The following ADGRV1 variants were observed in gnomAD, a reference collection of about 807,000 sequenced individuals.
The protein encoded by ADGRV1 is adhesion G protein-coupled receptor V1, also known as G-protein coupled receptor 98.
ADGRV1 carries 359 observed loss-of-function variants against 596.2 expected under a neutral mutation model. The ratio of observed to expected loss-of-function variants is 0.60; its 90% CI spans 0.55 to 0.66. ADGRV1 has a LOEUF of 0.66. Ranked by LOEUF, ADGRV1 falls within the 30% of genes least tolerant of loss-of-function variation. The pLI is 0.00. For synonymous variants in ADGRV1, 2,681 were observed against 2,679.2 expected (o/e 1.00, Z -0.02); for missense variants, 7,274 against 7,575.6 (o/e 0.96, Z 1.48).
chr5:90,919,602 GGTAA>G (rs1561939797), intron 83 of ADGRV1, among the ~76,000 whole-genome samples: 1 of 152,268 alleles, frequency 6.6e-6, no homozygotes. Context: ...TTGTGATTCA[GGTAA>G]GTTTTAGTTT....
At chr5:90,713,372 T>C (rs1749654534) in intron 42 of ADGRV1, among the ~76,000 whole-genome samples, 1 of 151,222 alleles carries the variant, frequency 6.6e-6, no homozygotes, top group Admixed American at 6.6e-5. Context: ...GTGGCTGTTG[T>C]TTCAAGTTCA....
chr5:91,096,483 T>TTTG (rs1426250395), intron 86 of ADGRV1, among the ~76,000 whole-genome samples: 1 of 152,226 alleles, frequency 6.6e-6, no homozygotes, highest in Admixed American at 6.5e-5. Context: ...TGGTTTGTTG[T>TTTG]TTGTTGTTGT....
chr5:90,646,070 G>T lies in ADGRV1; in HGVS notation c.3001G>T (p.Asp1001Tyr). ...TGCAACTCTGAGGATTAGAAGAAAT[G>T]ATGACCCCATTTATTTTGCAGGTGG... ...TTATLRIRRNDDPIYFAEPRV... is the reference protein window; with the variant it reads ...TTATLRIRRNYDPIYFAEPRV... The change falls in exon 16 of 90, where the codon GAT becomes TAT. Residue 1001 changes from aspartate to tyrosine, a missense_variant. Coordinates refer to ENST00000405460, the MANE Select transcript of ADGRV1 (RefSeq NM_032119.4). 6.3e-7 allele frequency: 1 copy of T among 1,584,284 alleles called. No individual in the cohort carries two copies. Among genetic ancestry groups the T allele is most frequent in the South Asian group, 1.2e-5 (1 of 85,932 alleles).
intron 86 of ADGRV1, 72 bp from the exon 87 acceptor site, chr5:91,102,147 C>A: frequency 6.9e-7 from 1 of 1,446,244 alleles, no homozygotes; most frequent in Non-Finnish European, 9.3e-7. Flanking sequence ...AGAAAGAAGC[C>A]AAAAATAACT....
chr5:91,126,239 C>T (rs957042301), intron 87 of ADGRV1, among the ~76,000 whole-genome samples: 2 of 152,220 alleles, frequency 1.3e-5, no homozygotes, highest in East Asian at 1.9e-4. Context: ...AATGCCTCCA[C>T]TCCCCTTCCA....
intron 83 of ADGRV1, chr5:90,929,679 C>G (rs1169492550): frequency 6.6e-6 from 1 of 152,190 alleles, no homozygotes; most frequent in Non-Finnish European, 1.5e-5. Flanking sequence ...GTTCTAAGTG[C>G]TGACAACATC....
chr5:90,892,799 A>G (rs1348360719), intron 83 of ADGRV1, among the ~76,000 whole-genome samples: 1 of 152,218 alleles, frequency 6.6e-6, no homozygotes, highest in Non-Finnish European at 1.5e-5. Flanking sequence ...AGTTTGTAAT[A>G]GAGTGATATA....
intron 1 of ADGRV1, among the ~76,000 whole-genome samples, chr5:90,610,172 T>C (rs1762568642): frequency 6.6e-6 from 1 of 151,976 alleles, no homozygotes; most frequent in Admixed American, 6.6e-5. Flanking sequence ...GGGAGGAAGG[T>C]ACTGTCCTAG....
At chr5:90,626,487 A>G (rs1043912333) in intron 6 of ADGRV1, 2 of 152,188 alleles carry the variant, frequency 1.3e-5, no homozygotes, top group Non-Finnish European at 2.9e-5. Flanking sequence ...AGGTAAAAGC[A>G]TGCATTTTTT....
chr5:90,631,447 G>A (rs774730746), intron 9 of ADGRV1, among the ~76,000 whole-genome samples: 13 of 152,104 alleles, frequency 8.5e-5, no homozygotes, highest in Non-Finnish European at 1.3e-4. Flanking sequence ...CAGTATGTAC[G>A]CGACACCTTT....
chr5:90,619,077 T>G lies in ADGRV1; in HGVS notation c.358-9T>G. 7.5e-7 allele frequency: 1 copy of G among 1,329,980 alleles called. No homozygotes were observed. The highest frequency in any genetic ancestry group is 1.8e-5 in the South Asian group (1 of 54,314). The allele number at this position is 1,329,980 out of a possible 1,614,324, so 82.4% of individuals were successfully genotyped here. Reference sequence around the variant, plus strand: ...AATTCATTATTTTATTTTTGGGATTTTATTTTAGAAACCTTCAGCAAATGT... The same window carrying G: ...AATTCATTATTTTATTTTTGGGATTGTATTTTAGAAACCTTCAGCAAATGT... On this transcript the variant is annotated splice_polypyrimidine_tract_variant and intron_variant, in intron 3 of 89. Coordinates refer to ENST00000405460, the MANE Select transcript of ADGRV1 (RefSeq NM_032119.4).
At position 90,986,500 on chromosome 5, in the gene ADGRV1, A is replaced by G. The variant is rs1780511002; in HGVS notation, c.18152+978A>G. Among the ~76,000 whole-genome samples, 2 of 152,132 alleles carry G rather than the reference A, an allele frequency of 1.3e-5. 1 individual carries two copies. The highest frequency in any genetic ancestry group is 4.8e-5 in the African/African-American group (2 of 41,428). On this transcript the variant is annotated intron_variant, in intron 85 of 89. Transcript: ENST00000405460. ...GTATTTCACACATAGGCAATCACAG[A>G]CACATACCCCATACCACATTCAGAT...
At chr5:90,616,609 T>TGG (rs1392041287) in intron 2 of ADGRV1, among the ~76,000 whole-genome samples, 1 of 152,122 alleles carries the variant, frequency 6.6e-6, no homozygotes, top group Non-Finnish European at 1.5e-5. Flanking sequence ...GTACGTATTT[T>TGG]GGGGGTATAT....
At chr5:90,889,146 A>G (rs1171968180) in intron 83 of ADGRV1, among the ~76,000 whole-genome samples, 5 of 152,000 alleles carry the variant, frequency 3.3e-5, no homozygotes, top group Admixed American at 6.6e-5. Flanking sequence ...AAGAGTAATT[A>G]ACATTTAATA....
chr5:91,098,206 A>G (rs549168496), intron 86 of ADGRV1, among the ~76,000 whole-genome samples: 1 of 152,336 alleles, frequency 6.6e-6, no homozygotes, highest in East Asian at 1.9e-4. Flanking sequence ...GTGATTTTCA[A>G]TTGAATGGAG....
intron 83 of ADGRV1, among the ~76,000 whole-genome samples, chr5:90,901,019 C>T (rs1771789187): frequency 6.6e-6 from 1 of 152,076 alleles, no homozygotes; most frequent in African/African-American, 2.4e-5. Context: ...AATTTCTTCT[C>T]AAGAAGTCTC....
At chr5:90,959,069 A>G (rs1270452322) in intron 83 of ADGRV1, among the ~76,000 whole-genome samples, 1 of 152,174 alleles carries the variant, frequency 6.6e-6, no homozygotes, top group Admixed American at 6.5e-5. Flanking sequence ...CTATTTATAT[A>G]GAGATGACAT....
At chr5:90,990,007 G>A (rs1011493300) in intron 85 of ADGRV1, among the ~76,000 whole-genome samples, 1 of 152,090 alleles carries the variant, frequency 6.6e-6, no homozygotes, top group South Asian at 2.1e-4. Context: ...TAGTAGGGAC[G>A]GGGTTTCTCC....
At chr5:90,873,626 A>G (rs191488150) in intron 83 of ADGRV1, among the ~76,000 whole-genome samples, 1 of 152,252 alleles carries the variant, frequency 6.6e-6, no homozygotes, top group Admixed American at 6.5e-5. Flanking sequence ...TTTACAAAAA[A>G]TGCTCAGAGA....
Sources: allele counts gnomAD v4.1 joint callset (sites outside exome capture counted in the v4.1 genomes callset), GRCh38; gene constraint gnomAD v4.1.1; transcripts MANE v1.5; gene names NCBI Gene and HGNC (gene_info 2026-07-23, HGNC 2026-07-21).